GLP2R: variants seen among roughly 807,000 people sequenced by gnomAD.
The protein encoded by GLP2R is glucagon-like peptide 2 receptor.
A neutral mutation model predicts 68.2 loss-of-function variants in GLP2R; 59 were observed. That is an observed-to-expected ratio of 0.87 (90% confidence interval 0.70 to 1.07). The LOEUF (loss-of-function observed/expected upper bound fraction) is 1.07, where lower values mean the gene tolerates loss of function less well. GLP2R is among the 50% of genes least tolerant of loss of function. GLP2R has a pLI of 0.00. For synonymous variants in GLP2R, 270 were observed against 265.4 expected, an observed-to-expected ratio of 1.02 and a Z score of -0.17; for missense variants, 548 against 677.4, an observed-to-expected ratio of 0.81 and a Z score of 2.12.
chr17:9,837,677 C>T (rs115776982), intron 3 of GLP2R, among the ~76,000 whole-genome samples: 2,804 of 152,232 alleles, frequency 0.018, 99 homozygotes, highest in African/African-American at 0.063. Context: ...GGATAATATC[C>T]CATCCCTACC....
chr17:9,853,603 A>T (rs2066911281), intron 4 of GLP2R, among the ~76,000 whole-genome samples: 1 of 152,246 alleles, frequency 6.6e-6, no homozygotes, highest in Non-Finnish European at 1.5e-5. Flanking sequence ...CCTTTTTGCC[A>T]ATAATTTCTA....
chr17:9,868,071 GATA>G (rs773732410), intron 9 of GLP2R, among the ~76,000 whole-genome samples: 2 of 152,214 alleles, frequency 1.3e-5, no homozygotes, highest in African/African-American at 4.8e-5. Flanking sequence ...TTTAAATGGT[GATA>G]ATAAGCCAGA....
In GLP2R at chr17:9,835,342, C is replaced by G. The variant is rs962947576; in HGVS notation, c.278-1029C>G. On this transcript the variant is annotated intron_variant, in intron 2 of 12. Coordinates refer to ENST00000262441, the MANE Select transcript of GLP2R (RefSeq NM_004246.3). Reference sequence around the variant, plus strand: ...ATGCTTGGCTTCCAGGAGTCAGGAGCCTGTAATATTAGAAGTTTGGGACCT... The same window carrying G: ...ATGCTTGGCTTCCAGGAGTCAGGAGGCTGTAATATTAGAAGTTTGGGACCT... 5.9e-5 allele frequency among the ~76,000 whole-genome samples: 9 copies of G among 152,162 alleles called. No individual in the cohort carries two copies. In the South Asian group the frequency reaches 1.7e-3, roughly 28 times the overall value.
chr17:9,859,757 T>G (rs1211747404), intron 6 of GLP2R, among the ~76,000 whole-genome samples, 185 bp from the exon 7 acceptor site: 1 of 139,232 alleles, frequency 7.2e-6, no homozygotes, highest in African/African-American at 2.7e-5. Flanking sequence ...AGCTGGAGGT[T>G]GCAGTGTGAG....
chr17:9,854,645 G>A, intron 5 of GLP2R, 44 bp downstream of exon 5: 1 of 1,091,298 alleles, frequency 9.2e-7, no homozygotes, highest in Non-Finnish European at 1.4e-6. Flanking sequence ...AGGTATAGTA[G>A]CCCTCCTTCA....
At chr17:9,836,039 CAAAAAAAAA>C (rs10706067) in intron 2 of GLP2R, among the ~76,000 whole-genome samples, 1 of 87,206 alleles carries the variant, frequency 1.1e-5, no homozygotes, top group Admixed American at 1.3e-4. Flanking sequence ...ACTCCATCTC[CAAAAAAAAA>C]AAAAAAAAAA....
intron 10 of GLP2R, among the ~76,000 whole-genome samples, chr17:9,873,060 C>A (rs2067109859): frequency 6.6e-6 from 1 of 152,206 alleles, no homozygotes; most frequent in Admixed American, 6.5e-5. Flanking sequence ...GCCAAGCAGT[C>A]TCTCTGGCTC....
At chr17:9,874,130 A>G (rs559124487) in intron 10 of GLP2R, among the ~76,000 whole-genome samples, 2 of 152,308 alleles carry the variant, frequency 1.3e-5, no homozygotes, top group African/African-American at 4.8e-5. Flanking sequence ...CTCTATTATA[A>G]TATTTTCTTC....
intron 11 of GLP2R, among the ~76,000 whole-genome samples, chr17:9,881,653 T>G (rs1356966699): frequency 6.6e-6 from 1 of 151,984 alleles, no homozygotes; most frequent in Admixed American, 6.5e-5. Flanking sequence ...GTGCTGGGAT[T>G]ACAGGCGTGA....
rs10709713 is a variant in GLP2R at position 9,865,318 on chromosome 17, G to A, written c.1056+3228G>A. Reference sequence around the variant, plus strand: ...CTTCTTTAGCCCCTTGTGATTTTGTGTGTGTGTGTGTGTGTGTGCAGACCT... The same window carrying A: ...CTTCTTTAGCCCCTTGTGATTTTGTATGTGTGTGTGTGTGTGTGCAGACCT... On this transcript the variant is annotated intron_variant, in intron 9 of 12. Coordinates refer to ENST00000262441, the MANE Select transcript of GLP2R (RefSeq NM_004246.3). Among the ~76,000 whole-genome samples the A allele has an allele frequency of 2.4e-4, 24 of 102,100 alleles. No homozygotes were observed. The Admixed American group carries it at 2.4e-3, about 10-fold the overall frequency. 67.0% of individuals were successfully genotyped at this position (102,100 alleles called of 152,430 possible).
intron 8 of GLP2R, among the ~76,000 whole-genome samples, chr17:9,861,702 T>C (rs975990778): frequency 6.6e-6 from 1 of 152,226 alleles, no homozygotes; most frequent in Non-Finnish European, 1.5e-5. Flanking sequence ...TCCCATTTTT[T>C]TCCTCCAAAT....
intron 10 of GLP2R, among the ~76,000 whole-genome samples, chr17:9,872,209 AG>A (rs887288499): frequency 6.6e-6 from 1 of 152,210 alleles, no homozygotes; most frequent in African/African-American, 2.4e-5. Context: ...GGTGCTGGGA[AG>A]GGAGTTTTTC....
intron 7 of GLP2R, among the ~76,000 whole-genome samples, chr17:9,860,616 A>G (rs1313134533): frequency 2.0e-5 from 3 of 152,170 alleles, no homozygotes; most frequent in African/African-American, 7.2e-5. Context: ...CCCCACCCTC[A>G]TGATCTCAGC....
At chr17:9,861,327 C>A in intron 8 of GLP2R, 128 bp downstream of exon 8, 1 of 665,592 alleles carries the variant, frequency 1.5e-6, no homozygotes, top group South Asian at 1.9e-5. Flanking sequence ...CTAGAATATT[C>A]TTAGGAATGG....
At chr17:9,831,167 T>C (rs926337983) in intron 1 of GLP2R, among the ~76,000 whole-genome samples, 1 of 152,216 alleles carries the variant, frequency 6.6e-6, no homozygotes, top group Non-Finnish European at 1.5e-5. Flanking sequence ...ACCTTAAATC[T>C]ACCTGGCCCT....
intron 10 of GLP2R, among the ~76,000 whole-genome samples, chr17:9,878,522 G>C (rs1242526002): frequency 1.3e-5 from 2 of 152,190 alleles, no homozygotes; most frequent in Non-Finnish European, 2.9e-5. Context: ...GTAGGGGTGG[G>C]TGTTGGAGTG....
rs2067086008 is a variant in GLP2R, at chr17:9,870,842, G to T, written c.1145+7G>T. 1 of 1,374,332 alleles carries T rather than the reference G, an allele frequency of 7.3e-7. No homozygotes were observed. Among genetic ancestry groups the T allele is most frequent in the South Asian group, 1.2e-5 (1 of 86,152 alleles). The allele number at this position is 1,374,332 out of a possible 1,614,324, so 85.1% of individuals were successfully genotyped here. The stretch of plus-strand genomic sequence containing the variant: ...TCAGAGATTATAAATACAGGTGAGT[G>T]GCTTAAGGTTGGTCCCCAGCAGTCC... On this transcript the variant is annotated splice_region_variant and intron_variant, in intron 10 of 12. Coordinates refer to ENST00000262441, the MANE Select transcript of GLP2R (RefSeq NM_004246.3).
chr17:9,869,760 G>A (rs2067075485), intron 9 of GLP2R, among the ~76,000 whole-genome samples: 1 of 152,216 alleles, frequency 6.6e-6, no homozygotes, highest in African/African-American at 2.4e-5. Context: ...AGAGAGCTGG[G>A]TGGAAGCCAG....
intron 1 of GLP2R, among the ~76,000 whole-genome samples, chr17:9,829,045 C>T (rs1053340532): frequency 9.8e-5 from 15 of 152,318 alleles, no homozygotes; most frequent in African/African-American, 3.6e-4. Context: ...CTCATAGCCT[C>T]TTTCCCTGCA....
Sources: gnomAD v4.1 joint callset for allele counts (sites outside exome capture counted in the v4.1 genomes callset) on GRCh38, gnomAD v4.1.1 for gene constraint, MANE v1.5 for transcripts, NCBI Gene and HGNC (gene_info 2026-07-23, HGNC 2026-07-21) for gene names.